BCL11A: variants seen among roughly 807,000 people sequenced by gnomAD.
BCL11A encodes B cell CLL/lymphoma 11A.
A neutral mutation model predicts 55.9 loss-of-function variants in BCL11A; 2 were observed. The ratio of observed to expected loss-of-function variants is 0.04; its 90% CI spans 0.01 to 0.11. BCL11A has a LOEUF of 0.11. Among genes scored for constraint, BCL11A ranks in the 10% least tolerant of loss-of-function variants. The pLI, the probability that BCL11A is intolerant of heterozygous loss-of-function variation, is 1.00. For synonymous variants in BCL11A, 465 were observed against 473.4 expected, an observed-to-expected ratio of 0.98 and a Z score of 0.23; for missense variants, 817 against 1,137.1, an observed-to-expected ratio of 0.72 and a Z score of 4.05.
At position 60,461,463 on chromosome 2, in the gene BCL11A, C is replaced by T; in HGVS notation, c.1449G>A (p.Gly483=). The T allele has an allele frequency of 1.9e-6, 3 of 1,604,468 alleles. No homozygotes were observed. The highest frequency in any genetic ancestry group is 2.5e-6 in the Non-Finnish European group (3 of 1,179,584). Residue 483 remains glycine (G), a synonymous_variant, in exon 4 of 4, where the codon GGG becomes GGA. Transcript: ENST00000642384. ...ENDPNLIPEN[G]DEEEEEDDEE... Reference sequence around the variant, plus strand: ...CGTCGTCCTCCTCTTCCTCCTCGTCCCCGTTCTCCGGGATCAGGTTGGGGT... The same window carrying T: ...CGTCGTCCTCCTCTTCCTCCTCGTCTCCGTTCTCCGGGATCAGGTTGGGGT...
In BCL11A at chr2:60,457,790, T is replaced by A. The variant is rs751327899; in HGVS notation, c.*2614A>T. The A allele has an allele frequency of 2.8e-5, 29 of 1,040,962 alleles. No homozygotes were observed. Among genetic ancestry groups the A allele is most frequent in the Non-Finnish European group, 3.2e-5 (28 of 864,054 alleles). The allele number at this position is 1,040,962 out of a possible 1,614,324, so 64.5% of individuals were successfully genotyped here. On this transcript the variant is annotated 3_prime_UTR_variant, in exon 4 of 4. Coordinates refer to ENST00000642384, the MANE Select transcript of BCL11A (RefSeq NM_022893.4). The stretch of plus-strand genomic sequence containing the variant: ...AAGCACACTACATAACAAACCAACG[T>A]TATTAGCTTGCAGTACTGCATACAG...
At chr2:60,466,328 C>T (rs1015652248) in intron 3 of BCL11A, among the ~76,000 whole-genome samples, 3 of 152,178 alleles carry the variant, frequency 2.0e-5, no homozygotes, top group Non-Finnish European at 4.4e-5. Flanking sequence ...TCCCTTCCCT[C>T]CAAAAGTGGC....
chr2:60,510,466 T>G (rs1679920374), intron 2 of BCL11A, among the ~76,000 whole-genome samples: 1 of 152,214 alleles, frequency 6.6e-6, no homozygotes, highest in African/African-American at 2.4e-5. Context: ...CCTTCCCTAA[T>G]TATCCTATTT....
intron 2 of BCL11A, among the ~76,000 whole-genome samples, chr2:60,474,753 T>G (rs1677425541): frequency 6.6e-6 from 1 of 152,244 alleles, no homozygotes; most frequent in East Asian, 1.9e-4. Context: ...CTCTCATGCA[T>G]TCATTCAACA....
intron 2 of BCL11A, among the ~76,000 whole-genome samples, chr2:60,489,819 C>A (rs777294090): frequency 6.6e-6 from 1 of 152,294 alleles, no homozygotes; most frequent in East Asian, 1.9e-4. Context: ...AGCTTAATAA[C>A]CCCCAAAGCA....
intron 2 of BCL11A, among the ~76,000 whole-genome samples, chr2:60,510,452 T>C (rs1465966550): frequency 1.3e-5 from 2 of 152,208 alleles, no homozygotes; most frequent in African/African-American, 4.8e-5. Flanking sequence ...TGCTTCTCAT[T>C]GGGCCTTCCC....
chr2:60,469,610 T>C (rs1677087386), intron 2 of BCL11A, among the ~76,000 whole-genome samples: 1 of 152,256 alleles, frequency 6.6e-6, no homozygotes, highest in Non-Finnish European at 1.5e-5. Flanking sequence ...TTCACCATTT[T>C]ACTGCACTTT....
At chr2:60,478,482 G>A (rs1005621806) in intron 2 of BCL11A, among the ~76,000 whole-genome samples, 1 of 152,232 alleles carries the variant, frequency 6.6e-6, no homozygotes, top group African/African-American at 2.4e-5. Flanking sequence ...ACTGGTGTGT[G>A]GACTTCAGGG....
chr2:60,518,619 C>T (rs1668839431), intron 2 of BCL11A, among the ~76,000 whole-genome samples: 1 of 152,162 alleles, frequency 6.6e-6, no homozygotes. Flanking sequence ...AGAATCACCA[C>T]ACACCAGAGA....
intron 2 of BCL11A, among the ~76,000 whole-genome samples, chr2:60,531,936 C>T (rs905727002): frequency 5.9e-5 from 9 of 152,144 alleles, no homozygotes; most frequent in South Asian, 2.1e-4. Flanking sequence ...AAGACTAGGG[C>T]ACCATGAGCA....
rs1676040067 is a variant in BCL11A, at chr2:60,458,282, T to C, written c.*2122A>G. On this transcript the variant is annotated 3_prime_UTR_variant, in exon 4 of 4. Transcript: ENST00000642384. Reference sequence around the variant, plus strand: ...ACCTTTCCCCAATGTATGTTTTTTTTTTTTACAACCTGAAGAGCGGTGTGT... The same window carrying C: ...ACCTTTCCCCAATGTATGTTTTTTTCTTTTACAACCTGAAGAGCGGTGTGT... 9.7e-7 allele frequency: 1 copy of C among 1,027,230 alleles called. No individual in the cohort carries two copies. The highest frequency in any genetic ancestry group is 1.2e-6 in the Non-Finnish European group (1 of 854,642). 63.6% of individuals were successfully genotyped at this position (1,027,230 alleles called of 1,614,324 possible). A position where few individuals can be genotyped will look rare whatever the true frequency, so the allele number is the denominator to read the frequency against.
intron 2 of BCL11A, among the ~76,000 whole-genome samples, chr2:60,483,184 A>C (rs181786572): frequency 2.2e-4 from 33 of 152,344 alleles, no homozygotes; most frequent in Non-Finnish European, 1.5e-4. Context: ...TTGCTCCTTA[A>C]TGCTACACTT....
chr2:60,492,018 A>G (rs1678670019), intron 2 of BCL11A, among the ~76,000 whole-genome samples: 1 of 152,244 alleles, frequency 6.6e-6, no homozygotes, highest in South Asian at 2.1e-4. Context: ...ACTTTACAGG[A>G]ATTCAGCACA....
At chr2:60,496,131 G>A (rs7565301) in intron 2 of BCL11A, among the ~76,000 whole-genome samples, 37,756 of 152,116 alleles carry the variant, frequency 0.25, 4,991 homozygotes, top group Middle Eastern at 0.3. Context: ...TGCAGGAAAT[G>A]GATTACGGAA....
At chr2:60,454,182 T>C (rs1406367499), downstream of BCL11A, among the ~76,000 whole-genome samples, 3 of 152,138 alleles carry the variant, frequency 2.0e-5, no homozygotes, top group African/African-American at 7.2e-5. Flanking sequence ...GGACAACCCA[T>C]GTCCACAGTT....
rs1288440213 is a variant in BCL11A at position 60,474,716 on chromosome 2, A to T, written c.386-5883T>A. Among the ~76,000 whole-genome samples, 3 of 152,212 alleles carry T rather than the reference A, an allele frequency of 2.0e-5. No homozygotes were observed. In the East Asian group the frequency reaches 5.8e-4, roughly 29 times the overall value. On this transcript the variant is annotated intron_variant, in intron 2 of 3. Coordinates refer to ENST00000642384, the MANE Select transcript of BCL11A (RefSeq NM_022893.4). Reference sequence around the variant, plus strand: ...TGTGTTCCCAGGATAAATTCCATTCATTCATTCTCTCATGCATTCATTCAA... The same window carrying T: ...TGTGTTCCCAGGATAAATTCCATTCTTTCATTCTCTCATGCATTCATTCAA...
chr2:60,541,000 T>A (rs991693398), intron 2 of BCL11A, among the ~76,000 whole-genome samples: 15 of 144,620 alleles, frequency 1.0e-4, no homozygotes, highest in Admixed American at 5.7e-4. Context: ...GTGGTTATTT[T>A]GTTTTTTTGT....
intron 2 of BCL11A, chr2:60,528,628 G>A (rs45595933): frequency 0.13 from 20,231 of 152,394 alleles, 1,481 homozygotes; most frequent in Non-Finnish European, 0.16. Context: ...AGCTGCAAAC[G>A]TACTGAAGAG....
intron 2 of BCL11A, among the ~76,000 whole-genome samples, chr2:60,530,022 G>T (rs1294116989): frequency 6.6e-6 from 1 of 152,158 alleles, no homozygotes; most frequent in African/African-American, 2.4e-5. Flanking sequence ...AGCTAAAAAT[G>T]TCAGGAAGTT....
Sources: gnomAD v4.1 joint callset for allele counts (sites outside exome capture counted in the v4.1 genomes callset) on GRCh38, gnomAD v4.1.1 for gene constraint, MANE v1.5 for transcripts, NCBI Gene and HGNC (gene_info 2026-07-23, HGNC 2026-07-21) for gene names.